The following HOMER2 variants were observed in gnomAD, a reference collection of about 807,000 sequenced individuals.
The protein encoded by HOMER2 is homer scaffold protein 2.
HOMER2 carries 27 observed loss-of-function variants against 47.0 expected under a neutral mutation model. The observed-to-expected ratio is 0.57, with a 90% CI of 0.42 to 0.79. The LOEUF is 0.79. HOMER2 is among the 30% of genes least tolerant of loss of function. HOMER2 has a pLI of 0.00. For synonymous variants in HOMER2, 161 were observed against 163.8 expected, an observed-to-expected ratio of 0.98 and a Z score of 0.13; for missense variants, 443 against 435.0, an observed-to-expected ratio of 1.02 and a Z score of -0.16.
At chr15:82,902,327 A>G (rs1351883500) in intron 1 of HOMER2, among the ~76,000 whole-genome samples, 2 of 151,688 alleles carry the variant, frequency 1.3e-5, no homozygotes, top group African/African-American at 4.8e-5. Flanking sequence ...CTTCCTGAGT[A>G]GCTGTGACTA....
At position 82,892,707 on chromosome 15, in the gene HOMER2, A is replaced by G. The variant is rs2052753662; in HGVS notation, c.140T>C (p.Ile47Thr). 1 of 1,591,952 alleles carries G rather than the reference A, an allele frequency of 6.3e-7. No individual in the cohort carries two copies. Among genetic ancestry groups the G allele is most frequent in the African/African-American group, 1.3e-5 (1 of 74,704 alleles). The change falls in exon 2 of 9, where the codon ATC becomes ACC. Residue 47 changes from isoleucine to threonine, a missense_variant. Coordinates refer to ENST00000450735, the MANE Select transcript of HOMER2 (RefSeq NM_004839.4). Reference protein sequence around the residue: ...FYDVTRNSYRIISVDGAKVII... With the variant: ...FYDVTRNSYRTISVDGAKVII... ...TACCTTGGCTCCGTCCACACTGATG[A>G]TCCGATAGCTGTTCCTTGTGACATC...
upstream of HOMER2, among the ~76,000 whole-genome samples, chr15:82,954,683 T>C (rs1321912950): frequency 6.6e-6 from 1 of 152,114 alleles, no homozygotes; most frequent in African/African-American, 2.4e-5. Context: ...ATACATACTA[T>C]GTCTATAGGT....
chr15:82,976,822 A>G (rs2030222698), intron 1 of HOMER2, among the ~76,000 whole-genome samples: 1 of 151,338 alleles, frequency 6.6e-6, no homozygotes. Context: ...GATTACAGGC[A>G]TGCGCCACCA....
At chr15:82,982,264 T>C (rs2030419922) in intron 1 of HOMER2, among the ~76,000 whole-genome samples, 1 of 152,174 alleles carries the variant, frequency 6.6e-6, no homozygotes, top group African/African-American at 2.4e-5. Context: ...AACATTTCCA[T>C]CAAAAATGGT....
chr15:82,930,589 T>G (rs1326075152), intron 1 of HOMER2, among the ~76,000 whole-genome samples: 1 of 152,182 alleles, frequency 6.6e-6, no homozygotes, highest in Non-Finnish European at 1.5e-5. Context: ...ATACTATAGT[T>G]GTTGGGAGGA....
At chr15:82,980,962 G>A (rs763704332) in intron 1 of HOMER2, among the ~76,000 whole-genome samples, 2 of 152,178 alleles carry the variant, frequency 1.3e-5, no homozygotes, top group East Asian at 1.9e-4. Flanking sequence ...AAGGAGATCC[G>A]AGATAGTCTG....
chr15:82,931,786 C>T (rs552444589), intron 1 of HOMER2, among the ~76,000 whole-genome samples: 5 of 152,224 alleles, frequency 3.3e-5, no homozygotes, highest in Admixed American at 1.3e-4. Context: ...TGCCATGAGC[C>T]GAGATCGCGC....
downstream of HOMER2, chr15:82,844,105 A>C (rs555864681): frequency 1.3e-5 from 2 of 152,340 alleles, no homozygotes; most frequent in African/African-American, 4.8e-5. Context: ...GGAACTGCTC[A>C]TGGGCATTTC....
rs56193557 is a variant in HOMER2 at position 82,860,952 on chromosome 15, A to AGAGAGAG, written c.388-1818_388-1817insCTCTCTC. Among the ~76,000 whole-genome samples, 264 of 106,048 alleles carry AGAGAGAG rather than the reference A, an allele frequency of 2.5e-3. 8 individuals carry two copies. Among genetic ancestry groups the AGAGAGAG allele is most frequent in the Middle Eastern group, 0.015 (3 of 202 alleles). The allele number at this position is 106,048 out of a possible 152,430, so 69.6% of individuals were successfully genotyped here. ...ACTCTGTCTCAAAGATAGAAGATAG[A>AGAGAGAG]AGATGAGAGAGAGAGAGAGAGAGAG... is the stretch of plus-strand genomic sequence containing the variant. On this transcript the variant is annotated intron_variant, in intron 4 of 8. Coordinates refer to ENST00000450735, the MANE Select transcript of HOMER2 (RefSeq NM_004839.4).
intron 1 of HOMER2, among the ~76,000 whole-genome samples, chr15:82,941,817 T>A (rs1217854949): frequency 6.6e-6 from 1 of 152,196 alleles, no homozygotes; most frequent in South Asian, 2.1e-4. Flanking sequence ...TAATAGCTAA[T>A]GTAAATCAAC....
intron 6 of HOMER2, among the ~76,000 whole-genome samples, chr15:82,853,067 A>G (rs894906253): frequency 6.6e-6 from 1 of 152,220 alleles, no homozygotes; most frequent in Admixed American, 6.5e-5. Context: ...AGTCCTTGAC[A>G]TGAAGGGCAC....
intron 3 of HOMER2, among the ~76,000 whole-genome samples, chr15:82,872,054 C>T (rs1260382351): frequency 6.6e-6 from 1 of 152,072 alleles, no homozygotes; most frequent in East Asian, 1.9e-4. Flanking sequence ...ACGTCTTGGA[C>T]AGAAGCTCCC....
chr15:82,944,358 A>G (rs972625186), intron 1 of HOMER2, among the ~76,000 whole-genome samples: 8 of 152,196 alleles, frequency 5.3e-5, no homozygotes, highest in Non-Finnish European at 1.0e-4. Context: ...AAATGCAGAC[A>G]CATAACAAGC....
At chr15:82,879,216 C>T (rs559336215) in intron 2 of HOMER2, among the ~76,000 whole-genome samples, 1 of 152,140 alleles carries the variant, frequency 6.6e-6, no homozygotes, top group Non-Finnish European at 1.5e-5. Context: ...ATATATTAAT[C>T]GTAGTTTGCA....
At chr15:82,978,854 G>A (rs565326540) in intron 1 of HOMER2, among the ~76,000 whole-genome samples, 15 of 152,204 alleles carry the variant, frequency 9.9e-5, no homozygotes, top group Non-Finnish European at 4.4e-5. Context: ...CTGAGTAGCT[G>A]GGACTACAGG....
At chr15:82,899,587 G>A (rs140965487) in intron 1 of HOMER2, among the ~76,000 whole-genome samples, 1 of 152,346 alleles carries the variant, frequency 6.6e-6, no homozygotes, top group East Asian at 1.9e-4. Flanking sequence ...CTTATTTGCA[G>A]ATAATAGAAT....
intron 8 of HOMER2, among the ~76,000 whole-genome samples, chr15:82,850,660 A>G (rs142018614): frequency 2.0e-5 from 3 of 152,228 alleles, no homozygotes; most frequent in Admixed American, 6.5e-5. Flanking sequence ...ATGTAACTAC[A>G]TGAAGCGCCG....
At chr15:82,875,240 G>A (rs1171901619) in intron 3 of HOMER2, 33 bp downstream of exon 3, 2 of 1,608,672 alleles carry the variant, frequency 1.2e-6, no homozygotes, top group Non-Finnish European at 1.7e-6. Context: ...ATCTGATGCG[G>A]GATTTACTGC....
intron 1 of HOMER2, among the ~76,000 whole-genome samples, chr15:82,910,988 T>G (rs2053438306): frequency 6.6e-6 from 1 of 152,222 alleles, no homozygotes; most frequent in South Asian, 2.1e-4. Context: ...GACATTAATA[T>G]AACCACCTCA....
Sources: gnomAD v4.1 joint callset for allele counts (sites outside exome capture counted in the v4.1 genomes callset) on GRCh38, gnomAD v4.1.1 for gene constraint, MANE v1.5 for transcripts, NCBI Gene and HGNC (gene_info 2026-07-23, HGNC 2026-07-21) for gene names.